The following STPG2 variants were observed in gnomAD, a reference collection of about 807,000 sequenced individuals.
STPG2 encodes the protein sperm-tail PG-rich repeat-containing protein 2.
Under a neutral mutation model 54.2 loss-of-function variants are expected in STPG2, and 56 were observed. The observed-to-expected ratio is 1.03, with a 90% confidence interval of 0.83 to 1.29. STPG2 has a LOEUF of 1.29. STPG2 is among the 50% of genes most tolerant of loss of function. STPG2 has a pLI of 0.00. For missense variants in STPG2, 596 were observed against 544.9 expected, an observed-to-expected ratio of 1.09 and a Z score of -0.93; for synonymous variants, 200 against 181.8, an observed-to-expected ratio of 1.10 and a Z score of -0.81.
At chr4:97,784,845 G>C (rs955258992) in intron 9 of STPG2, among the ~76,000 whole-genome samples, 4 of 151,982 alleles carry the variant, frequency 2.6e-5, no homozygotes, top group Admixed American at 1.3e-4. Flanking sequence ...GTTTTAGTCT[G>C]TTCTCATACT....
At chr4:97,528,965 AC>A (rs550295651) in intron 4 of STPG2, among the ~76,000 whole-genome samples, 40 of 152,216 alleles carry the variant, frequency 2.6e-4, no homozygotes, top group African/African-American at 8.9e-4. Context: ...CTATTTGAAT[AC>A]CCTTTATTTC....
chr4:97,701,486 A>G (rs868406275), intron 10 of STPG2, among the ~76,000 whole-genome samples: 2 of 152,128 alleles, frequency 1.3e-5, no homozygotes, highest in Non-Finnish European at 2.9e-5. Context: ...AGAGGTCTCC[A>G]TGGGGAAGGA....
In STPG2 at chr4:97,623,862, C is replaced by G. The variant is rs1734074971; in HGVS notation, c.1321-64745G>C. On this transcript the variant is annotated intron_variant, in intron 10 of 10. Coordinates refer to ENST00000295268, the MANE Select transcript of STPG2 (RefSeq NM_174952.3). The stretch of plus-strand genomic sequence containing the variant: ...ATCCATTTTTCCTCATTGTTTGGCT[C>G]CCCCTTATAAGTAAGAACTTGAAGT... Among the ~76,000 whole-genome samples, 3 of 152,128 alleles carry G rather than the reference C, an allele frequency of 2.0e-5. No homozygotes were observed. In the South Asian group the frequency reaches 6.2e-4, roughly 32 times the overall value.
At chr4:97,664,920 C>T (rs985862924) in intron 10 of STPG2, among the ~76,000 whole-genome samples, 1 of 151,916 alleles carries the variant, frequency 6.6e-6, no homozygotes, top group Non-Finnish European at 1.5e-5. Context: ...AGTGAGCAAG[C>T]GTGGGGTCCA....
intron 9 of STPG2, among the ~76,000 whole-genome samples, chr4:97,790,987 G>A (rs165238): frequency 1.3e-5 from 2 of 151,902 alleles, no homozygotes; most frequent in African/African-American, 2.4e-5. Context: ...CATCAGTTAC[G>A]CAAATTCTAC....
rs1560602684 is a variant in STPG2 at position 97,943,951 on chromosome 4, G to A, written c.990C>T (p.Asn330=). ...CTCTTGACAAGAAAGCAGCATATTT[G>A]TTAGTCAAGTTAGGTAATTCATCAG... The part of the protein sequence containing the change: ...GISDELPNLT[N]KYAAFLSRAK... Residue 330 remains asparagine, a synonymous_variant, in exon 8 of 11, where the codon AAC becomes AAT. Transcript: ENST00000295268. 3 of 1,599,040 alleles carry A rather than the reference G, an allele frequency of 1.9e-6. No homozygotes were observed. Among genetic ancestry groups the A allele is most frequent in the Admixed American group, 1.8e-5 (1 of 56,124 alleles).
intron 9 of STPG2, among the ~76,000 whole-genome samples, chr4:97,816,535 A>G (rs765762731): frequency 6.6e-6 from 1 of 152,148 alleles, no homozygotes; most frequent in South Asian, 2.1e-4. Context: ...ACCTGTTTAA[A>G]GATCATTTCT....
chr4:97,779,996 A>G (rs1016648188), intron 9 of STPG2, among the ~76,000 whole-genome samples: 6 of 150,278 alleles, frequency 4.0e-5, no homozygotes, highest in African/African-American at 1.2e-4. Context: ...TGTAAAGAAC[A>G]TCGATGCTAG....
chr4:97,863,040 G>A (rs1171564931), intron 8 of STPG2, among the ~76,000 whole-genome samples: 1 of 152,004 alleles, frequency 6.6e-6, no homozygotes, highest in South Asian at 2.1e-4. Flanking sequence ...AAAAGAACTA[G>A]AGAAGCAAGA....
intron 8 of STPG2, among the ~76,000 whole-genome samples, chr4:97,875,433 AAC>A (rs35894047): frequency 0.24 from 36,889 of 151,574 alleles, 5,232 homozygotes; most frequent in Middle Eastern, 0.36. Flanking sequence ...AAGGAAAAAA[AAC>A]ACACTGGGAA....
In STPG2 at chr4:97,467,203, A is replaced by G. The variant is rs186007477; in HGVS notation, c.462+245496T>C. On this transcript the variant is annotated intron_variant, in intron 4 of 4. Transcript: ENST00000522676. The stretch of plus-strand genomic sequence containing the variant: ...TACAATCAAAATCTGAGTATATTTA[A>G]AACCTTACAAAATGAGTATTTTTCA... Among the ~76,000 whole-genome samples the G allele has an allele frequency of 2.0e-5, 3 of 152,074 alleles. No individual in the cohort carries two copies. In the East Asian group the frequency reaches 5.8e-4, roughly 29 times the overall value.
rs537485397 is a variant in STPG2, at chr4:98,003,291, T to C, written c.613-21973A>G. On this transcript the variant is annotated intron_variant, in intron 5 of 10. Coordinates refer to ENST00000295268, the MANE Select transcript of STPG2 (RefSeq NM_174952.3). ...AACTTGGAAGACAACACTGACTACATTTCTAATCCACTCTTAAGTGGTTTT... is the reference window on the plus strand; with the variant it reads ...AACTTGGAAGACAACACTGACTACACTTCTAATCCACTCTTAAGTGGTTTT... 2.0e-5 allele frequency among the ~76,000 whole-genome samples: 3 copies of C among 152,206 alleles called. No homozygotes were observed. In the South Asian group the frequency reaches 6.2e-4, roughly 31 times the overall value.
chr4:97,741,855 C>T (rs2149037541), intron 9 of STPG2, among the ~76,000 whole-genome samples: 1 of 152,224 alleles, frequency 6.6e-6, no homozygotes, highest in East Asian at 1.9e-4. Flanking sequence ...CAAGCCATCC[C>T]ATTACTGGGT....
At chr4:97,989,456 A>G (rs748410629) in intron 5 of STPG2, among the ~76,000 whole-genome samples, 5 of 152,154 alleles carry the variant, frequency 3.3e-5, no homozygotes, top group Admixed American at 1.3e-4. Flanking sequence ...CTATACATAT[A>G]TATCTATGAT....
At chr4:97,538,201 T>A (rs2148858611) in intron 4 of STPG2, among the ~76,000 whole-genome samples, 1 of 152,316 alleles carries the variant, frequency 6.6e-6, no homozygotes, top group East Asian at 1.9e-4. Flanking sequence ...GGAGAATGAC[T>A]TTGACGAGTT....
chr4:97,542,856 A>G (rs1731749576), intron 4 of STPG2, among the ~76,000 whole-genome samples: 1 of 152,176 alleles, frequency 6.6e-6, no homozygotes, highest in African/African-American at 2.4e-5. Context: ...CATTCTCAGC[A>G]AACTAAAGGA....
chr4:98,062,858 G>T (rs10017624), intron 5 of STPG2, among the ~76,000 whole-genome samples: 59,913 of 151,776 alleles, frequency 0.39, 12,054 homozygotes, highest in Middle Eastern at 0.46. Context: ...CCACAAAGAA[G>T]AATTCATTAA....
Position 97,754,812 on chromosome 4 carries a change from C to T in STPG2, c.1205-41998G>A, listed in dbSNP as rs536920036. Among the ~76,000 whole-genome samples the T allele has an allele frequency of 7.2e-5, 11 of 152,182 alleles. No homozygotes were observed. The South Asian group carries it at 2.1e-3, about 29-fold the overall frequency. ...ACCTCCACTGCCATCTGCCCAACTA[C>T]CAGCATCTGCACATACCTCATATTC... On this transcript the variant is annotated intron_variant, in intron 9 of 10. Coordinates refer to ENST00000295268, the MANE Select transcript of STPG2 (RefSeq NM_174952.3).
chr4:97,962,815 C>G (rs2149249306), intron 7 of STPG2, among the ~76,000 whole-genome samples: 1 of 152,260 alleles, frequency 6.6e-6, no homozygotes, highest in Non-Finnish European at 1.5e-5. Flanking sequence ...GTCCAGAGAT[C>G]ATGCTAATAA....
Sources: allele counts gnomAD v4.1 joint callset (sites outside exome capture counted in the v4.1 genomes callset), GRCh38; gene constraint gnomAD v4.1.1; transcripts MANE v1.5; gene names NCBI Gene and HGNC (gene_info 2026-07-23, HGNC 2026-07-21).